SYCP3: variants seen among roughly 807,000 people sequenced by gnomAD.
SYCP3 encodes the protein synaptonemal complex protein 3.
Under a neutral mutation model 38.5 loss-of-function variants are expected in SYCP3, and 29 were observed. The ratio of observed to expected loss-of-function variants is 0.75; its 90% CI spans 0.56 to 1.03. SYCP3 has a LOEUF of 1.03. SYCP3 is among the 50% of genes least tolerant of loss of function. The pLI, the probability that SYCP3 is intolerant of heterozygous loss-of-function variation, is 0.00. For missense variants in SYCP3, 242 were observed against 270.7 expected (o/e 0.89, Z 0.74); for synonymous variants, 79 against 80.3 (o/e 0.98, Z 0.08).
chr12:101,737,749 G>C, intron 2 of SYCP3, 54 bp downstream of exon 2: 1 of 1,612,212 alleles, frequency 6.2e-7, no homozygotes, highest in Non-Finnish European at 8.5e-7. Flanking sequence ...GTCTCAATGG[G>C]TTCAAAACAA....
chr12:101,739,150 TAGCGATGGGGCCC>T (rs1268827673), intron 1 of SYCP3, 188 bp downstream of exon 1: 1 of 733,272 alleles, frequency 1.4e-6, no homozygotes, highest in Non-Finnish European at 1.7e-6. Context: ...TCCCAGGGTG[TAGCGATGGGGCCC>T]AGCCCCAGCC....
At chr12:101,733,543 TG>T in intron 6 of SYCP3, 31 bp downstream of exon 6, 1 of 1,577,312 alleles carries the variant, frequency 6.3e-7, no homozygotes, top group Non-Finnish European at 8.7e-7. Flanking sequence ...ACTTGAGACT[TG>T]GTTGATTATA....
chr12:101,734,244 T>C (rs1195212963), intron 5 of SYCP3, among the ~76,000 whole-genome samples: 2 of 152,210 alleles, frequency 1.3e-5, no homozygotes, highest in Non-Finnish European at 2.9e-5. Context: ...TTTATTCAAC[T>C]AGTGTATTTC....
intron 3 of SYCP3, 68 bp from the exon 4 acceptor site, chr12:101,737,139 T>C (rs1952481375): frequency 1.9e-6 from 3 of 1,605,018 alleles, no homozygotes; most frequent in East Asian, 2.2e-5. Flanking sequence ...TTGGAAGAAA[T>C]ACCAGATGCC....
intron 1 of SYCP3, among the ~76,000 whole-genome samples, chr12:101,738,655 C>T (rs1952572016): frequency 6.6e-6 from 1 of 152,086 alleles, no homozygotes. Context: ...AGAATCGCTT[C>T]AACCCGGGAG....
chr12:101,733,461 A>G, intron 6 of SYCP3, 114 bp downstream of exon 6: 1 of 909,976 alleles, frequency 1.1e-6, no homozygotes, highest in East Asian at 2.4e-5. Flanking sequence ...TTTAAAACAC[A>G]TGGCCAGCAA....
At position 101,739,452 on chromosome 12, in the gene SYCP3, G is replaced by A. The variant is rs901906843; in HGVS notation, c.-119C>T. 3.0e-6 allele frequency: 3 copies of A among 1,002,614 alleles called. No individual in the cohort carries two copies. The highest frequency in any genetic ancestry group is 3.6e-6 in the Non-Finnish European group (3 of 830,306). The allele number at this position is 1,002,614 out of a possible 1,614,324, so 62.1% of individuals were successfully genotyped here. ...CTTCACCTGAGGTGGCCCCTTCTCC[G>A]CGACGCTTCTGAGGCAAGCTGGGAT... On this transcript the variant is annotated 5_prime_UTR_variant, in exon 1 of 9. Transcript: ENST00000392924.
intron 5 of SYCP3, among the ~76,000 whole-genome samples, chr12:101,734,218 T>G (rs1952308757): frequency 6.6e-6 from 1 of 152,246 alleles, no homozygotes; most frequent in Admixed American, 6.5e-5. Context: ...ACTAACGGTT[T>G]TTATGACATT....
At position 101,728,961 on chromosome 12, in the gene SYCP3, C is replaced by T. The variant is rs1952057221; in HGVS notation, c.677G>A (p.Ser226Asn). 6.2e-7 allele frequency: 1 copy of T among 1,613,542 alleles called. No homozygotes were observed. The highest frequency in any genetic ancestry group is 8.5e-7 in the Non-Finnish European group (1 of 1,179,700). Residue 226 changes from serine to asparagine, a missense_variant, in exon 9 of 9, where the codon AGT (serine) becomes AAT (asparagine). Transcript: ENST00000392924. ...MMETQQQEIA[S>N]VRKSLQSMLF is the part of the protein sequence containing the mutation. ...CATGGATTGAAGAGACTTCCGAACA[C>T]TTGCTATCTCTTGCTGCTGCTGTTT...
At chr12:101,729,438 G>A in intron 7 of SYCP3, 2 of 471,996 alleles carry the variant, frequency 4.2e-6, no homozygotes, top group Non-Finnish European at 7.4e-6. Flanking sequence ...AGTATACTTT[G>A]CCCACAATGG....
At chr12:101,739,286 T>G (rs1388683170) in intron 1 of SYCP3, 65 bp downstream of exon 1, 9 of 1,002,056 alleles carry the variant, frequency 9.0e-6, no homozygotes, top group Non-Finnish European at 9.6e-6. Context: ...AAGATTTACC[T>G]CACTGGTCAA....
rs751398229 is a variant in SYCP3, at chr12:101,731,673, A to C, written c.454-7T>G. 1 of 1,575,330 alleles carries C rather than the reference A, an allele frequency of 6.3e-7. No homozygotes were observed. Among genetic ancestry groups the C allele is most frequent in the Non-Finnish European group, 8.6e-7 (1 of 1,165,938 alleles). On this transcript the variant is annotated splice_region_variant and splice_polypyrimidine_tract_variant and intron_variant, in intron 6 of 8. Coordinates refer to ENST00000392924, the MANE Select transcript of SYCP3 (RefSeq NM_001177949.2). ...GTTGCTGTCGAAACATATTCTACAA[A>C]TATAAAAGAAAAAAAACTGTGTAAT... is the stretch of plus-strand genomic sequence containing the variant.
chr12:101,735,680 A>T lies in SYCP3; in HGVS notation c.236-636T>A, dbSNP rs949767449. ...GTCTCAAAAATAAAAAAAAATTTTT[A>T]AAAAGGCTAAATTTATCTAAATTTA... is the stretch of plus-strand genomic sequence containing the variant. On this transcript the variant is annotated intron_variant, in intron 4 of 8. Coordinates refer to ENST00000392924, the MANE Select transcript of SYCP3 (RefSeq NM_001177949.2). Among the ~76,000 whole-genome samples the T allele has an allele frequency of 1.9e-4, 29 of 151,762 alleles. 1 individual carries two copies. Among genetic ancestry groups the T allele is most frequent in the Middle Eastern group, 3.4e-3 (1 of 294 alleles).
chr12:101,737,124 T>C, intron 3 of SYCP3, 53 bp from the exon 4 acceptor site: 3 of 1,608,374 alleles, frequency 1.9e-6, no homozygotes, highest in Non-Finnish European at 2.6e-6. Flanking sequence ...CATACCATGC[T>C]TGTTTTGGAA....
At chr12:101,731,209 C>T (rs541750395) in intron 7 of SYCP3, among the ~76,000 whole-genome samples, 1 of 152,106 alleles carries the variant, frequency 6.6e-6, no homozygotes, top group East Asian at 1.9e-4. Context: ...ATTTAACAAA[C>T]ACTGGGGATA....
Position 101,728,951 on chromosome 12 carries a change from C to A in SYCP3, c.687G>T (p.Lys229Asn). Residue 229 changes from lysine (K) to asparagine (N), a missense_variant, in exon 9 of 9, where the codon AAG becomes AAT. Coordinates refer to ENST00000392924, the MANE Select transcript of SYCP3 (RefSeq NM_001177949.2). ...TQQQEIASVR[K>N]SLQSMLF ...ATCAGAATAACATGGATTGAAGAGA[C>A]TTCCGAACACTTGCTATCTCTTGCT... 1 of 1,613,538 alleles carries A rather than the reference C, an allele frequency of 6.2e-7. No individual in the cohort carries two copies. Among genetic ancestry groups the A allele is most frequent in the Non-Finnish European group, 8.5e-7 (1 of 1,179,698 alleles).
rs185278534 is a variant in SYCP3 at position 101,734,733 on chromosome 12, A to G, written c.353+194T>C. Among the ~76,000 whole-genome samples, 87 of 152,238 alleles carry G rather than the reference A, an allele frequency of 5.7e-4. No individual in the cohort carries two copies. The East Asian group carries it at 0.014, about 25-fold the overall frequency. On this transcript the variant is annotated intron_variant, in intron 5 of 8. Coordinates refer to ENST00000392924, the MANE Select transcript of SYCP3 (RefSeq NM_001177949.2). Reference sequence around the variant, plus strand: ...TGGTTAATTTTTGTATTTTTAGTAGAGATGGAGTTTCACCATGTTGGCCAG... The same window carrying G: ...TGGTTAATTTTTGTATTTTTAGTAGGGATGGAGTTTCACCATGTTGGCCAG...
intron 7 of SYCP3, among the ~76,000 whole-genome samples, chr12:101,731,296 G>A (rs1002986099): frequency 6.6e-6 from 1 of 152,058 alleles, no homozygotes; most frequent in African/African-American, 2.4e-5. Flanking sequence ...TATGACTGAA[G>A]TGTTATTAAA....
chr12:101,738,188 T>C (rs1030124115), intron 1 of SYCP3, among the ~76,000 whole-genome samples: 4 of 151,870 alleles, frequency 2.6e-5, no homozygotes, highest in South Asian at 2.1e-4. Context: ...CTTTGGAAGG[T>C]TGAGGCAGGC....
Sources: gnomAD v4.1 joint callset for allele counts (sites outside exome capture counted in the v4.1 genomes callset) on GRCh38, gnomAD v4.1.1 for gene constraint, MANE v1.5 for transcripts, NCBI Gene and HGNC (gene_info 2026-07-23, HGNC 2026-07-21) for gene names.